Variants in FBXO46 observed in about 807,000 individuals in gnomAD.
The protein encoded by FBXO46 is F-box only protein 46.
In FBXO46, 13 loss-of-function variants were observed where a neutral mutation model predicts 30.7. The ratio of observed to expected loss-of-function variants is 0.42; its 90% CI spans 0.28 to 0.67. The LOEUF (loss-of-function observed/expected upper bound fraction) is 0.67. Ranked by LOEUF, FBXO46 falls within the 30% of genes least tolerant of loss-of-function variation. FBXO46 has a pLI of 0.21. For missense variants in FBXO46, 754 were observed against 871.5 expected (o/e 0.87, Z 1.70); for synonymous variants, 467 against 385.8 (o/e 1.21, Z -2.47).
upstream of FBXO46, among the ~76,000 whole-genome samples, chr19:45,732,730 A>T (rs890444538): frequency 6.6e-6 from 1 of 151,294 alleles, no homozygotes; most frequent in Non-Finnish European, 1.5e-5. Flanking sequence ...AGTTGGGACT[A>T]CAGGCGCGCC....
At chr19:45,726,922 C>T (rs1029220644) in intron 1 of FBXO46, among the ~76,000 whole-genome samples, 10 of 152,174 alleles carry the variant, frequency 6.6e-5, no homozygotes, top group Admixed American at 3.9e-4. Flanking sequence ...CAACTCCTTA[C>T]GAGAAGCTCA....
rs956991563 is a variant in FBXO46 at position 45,711,106 on chromosome 19, C to T, written c.*578G>A. 25 of 359,494 alleles carry T rather than the reference C, an allele frequency of 7.0e-5. No individual in the cohort carries two copies. Among genetic ancestry groups the T allele is most frequent in the Non-Finnish European group, 1.2e-4 (23 of 184,106 alleles). 22.3% of individuals were successfully genotyped at this position (359,494 alleles called of 1,614,324 possible). A position where few individuals can be genotyped will look rare whatever the true frequency, so the allele number is the denominator to read the frequency against. The stretch of plus-strand genomic sequence containing the variant: ...AGGTTAAGGAGAAAACAGTATTTCC[C>T]CCCCACTTCTTTAATAGGCAAACCA... On this transcript the variant is annotated 3_prime_UTR_variant, in exon 2 of 2. Coordinates refer to ENST00000317683, the MANE Select transcript of FBXO46 (RefSeq NM_001080469.2).
Position 45,711,427 on chromosome 19 carries a change from A to G in FBXO46, c.*257T>C. On this transcript the variant is annotated 3_prime_UTR_variant, in exon 2 of 2. Coordinates refer to ENST00000317683, the MANE Select transcript of FBXO46 (RefSeq NM_001080469.2). ...AGGGGGTTGGGGCTGAATGGAGAAGAAAGTGAGATGCTGATAAAAAAAAAA... is the reference window on the plus strand; with the variant it reads ...AGGGGGTTGGGGCTGAATGGAGAAGGAAGTGAGATGCTGATAAAAAAAAAA... 1.5e-6 allele frequency: 1 copy of G among 651,598 alleles called. No individual in the cohort carries two copies. Among genetic ancestry groups the G allele is most frequent in the Non-Finnish European group, 2.8e-6 (1 of 355,802 alleles). 40.4% of individuals were successfully genotyped at this position (651,598 alleles called of 1,614,324 possible).
intron 1 of FBXO46, among the ~76,000 whole-genome samples, chr19:45,722,112 C>A (rs1968180709): frequency 6.6e-6 from 1 of 152,170 alleles, no homozygotes; most frequent in Non-Finnish European, 1.5e-5. Context: ...TGCACCGCGC[C>A]CGGTCCCTGT....
upstream of FBXO46, among the ~76,000 whole-genome samples, chr19:45,731,313 CCTT>C (rs1179226844): frequency 7.1e-6 from 1 of 140,552 alleles, no homozygotes; most frequent in African/African-American, 2.6e-5. Context: ...CCATCCATCC[CCTT>C]CTTTTTTTTT....
At chr19:45,733,101 C>G (rs1036734686), upstream of FBXO46, 1 of 152,296 alleles carries the variant, frequency 6.6e-6, no homozygotes, top group Non-Finnish European at 1.5e-5. This position sits in a 1 kb window ranked among gnomAD's most constrained non-coding sequence, Gnocchi z 5.7. Context: ...AGAAGGGACA[C>G]AGGCGAGCTC....
intron 1 of FBXO46, among the ~76,000 whole-genome samples, chr19:45,720,817 C>T (rs1479540741): frequency 6.6e-6 from 1 of 151,966 alleles, no homozygotes; most frequent in Non-Finnish European, 1.5e-5. Flanking sequence ...ACAATATAAA[C>T]ATCATCCTGG....
At chr19:45,722,113 C>G (rs934792040) in intron 1 of FBXO46, among the ~76,000 whole-genome samples, 1 of 152,174 alleles carries the variant, frequency 6.6e-6, no homozygotes, top group African/African-American at 2.4e-5. Context: ...GCACCGCGCC[C>G]GGTCCCTGTT....
At chr19:45,722,924 G>GGCGCCTATAATCCCT (rs1255680255) in intron 1 of FBXO46, among the ~76,000 whole-genome samples, 1 of 152,116 alleles carries the variant, frequency 6.6e-6, no homozygotes, top group Non-Finnish European at 1.5e-5. Context: ...CATAGTGACA[G>GGCGCCTATAATCCCT]GCGCCTATAA....
At position 45,712,029 on chromosome 19, in the gene FBXO46, G is replaced by A. The variant is rs1329502543; in HGVS notation, c.1467C>T (p.Pro489=). Residue 489 remains proline (P), a synonymous_variant, in exon 2 of 2, where the codon CCC becomes CCT. Transcript: ENST00000317683. This position sits in a 1 kb window ranked among gnomAD's most constrained non-coding sequence, Gnocchi z 8.8. The part of the protein sequence containing the change: ...HVLVKIFSFL[P]TRALAALKCT... ...ACTTGAGGGCGGCCAGCGCGCGCGT[G>A]GGCAGGAAGCTGAAGATCTTGACCA... The A allele has an allele frequency of 3.1e-6, 5 of 1,612,410 alleles. No individual in the cohort carries two copies. The highest frequency in any genetic ancestry group is 2.2e-5 in the East Asian group (1 of 44,840).
chr19:45,710,917 C>T lies in FBXO46; in HGVS notation c.*767G>A, dbSNP rs1486813602. ...TCCGAAGTCCCTGCCCACGGGGCCC[C>T]CCCACGCTGTCAAAAGCGAGGCAAA... On this transcript the variant is annotated 3_prime_UTR_variant, in exon 2 of 2. Coordinates refer to ENST00000317683, the MANE Select transcript of FBXO46 (RefSeq NM_001080469.2). 1 of 176,138 alleles carries T rather than the reference C, an allele frequency of 5.7e-6. No individual in the cohort carries two copies. The highest frequency in any genetic ancestry group is 1.2e-5 in the Non-Finnish European group (1 of 83,836). 10.9% of individuals were successfully genotyped at this position (176,138 alleles called of 1,614,324 possible). A position where few individuals can be genotyped will look rare whatever the true frequency, so the allele number is the denominator to read the frequency against.
At position 45,711,658 on chromosome 19, in the gene FBXO46, G is replaced by T. The variant is rs1252146084; in HGVS notation, c.*26C>A. ...GGGAGAGGGGAGGGGTGGGCGTGGTGGGCTCTCCCCTCCCCTCCCCCGGCT... is the reference window on the plus strand; with the variant it reads ...GGGAGAGGGGAGGGGTGGGCGTGGTTGGCTCTCCCCTCCCCTCCCCCGGCT... On this transcript the variant is annotated 3_prime_UTR_variant, in exon 2 of 2. Coordinates refer to ENST00000317683, the MANE Select transcript of FBXO46 (RefSeq NM_001080469.2). 6.7e-7 allele frequency: 1 copy of T among 1,500,034 alleles called. No homozygotes were observed. The highest frequency in any genetic ancestry group is 1.2e-5 in the South Asian group (1 of 83,214). 92.9% of individuals were successfully genotyped at this position (1,500,034 alleles called of 1,614,324 possible).
chr19:45,731,608 C>A (rs1272410991), upstream of FBXO46, among the ~76,000 whole-genome samples: 1 of 151,462 alleles, frequency 6.6e-6, no homozygotes, highest in Admixed American at 6.6e-5. Flanking sequence ...AGCCACCGCG[C>A]CCGGCCCGTC....
At chr19:45,717,837 A>G (rs1968119914) in intron 1 of FBXO46, among the ~76,000 whole-genome samples, 1 of 152,000 alleles carries the variant, frequency 6.6e-6, no homozygotes, top group Non-Finnish European at 1.5e-5. Context: ...GGATAACCCC[A>G]CCCTGAAAAA....
chr19:45,732,588 CTTTTTTT>C (rs750349502), upstream of FBXO46, among the ~76,000 whole-genome samples: 34 of 86,948 alleles, frequency 3.9e-4, no homozygotes, highest in Admixed American at 5.8e-4. Context: ...CTTTTTTTTC[CTTTTTTT>C]TTTTTTTTTT....
In FBXO46 at chr19:45,711,879, C is replaced by T. The variant is rs764441292; in HGVS notation, c.1617G>A (p.Lys539=). The T allele has an allele frequency of 6.2e-7, 1 of 1,613,748 alleles. No homozygotes were observed. Among genetic ancestry groups the T allele is most frequent in the Non-Finnish European group, 8.5e-7 (1 of 1,179,806 alleles). The change falls in exon 2 of 2, where the codon AAG becomes AAA. Residue 539 remains lysine, a synonymous_variant. Coordinates refer to ENST00000317683, the MANE Select transcript of FBXO46 (RefSeq NM_001080469.2). ...GCCAGCGGCAGAGCGACACGTCGCC[C>T]TTCTCGTATCTCTTGCGGCACTGTT... ...PCKQCRKRYE[K]GDVSLCRWHP... is the part of the protein sequence containing the mutation.
rs879387383 is a variant in FBXO46, at chr19:45,723,904, GA to G, written c.-79+6944del. ...TGAACTCCTGATCTCAGGAGTTCAA[GA>G]AAAAAAAAAGAAAACTTGTGCTTTT... is the stretch of plus-strand genomic sequence containing the variant. On this transcript the variant is annotated intron_variant, in intron 1 of 1. Transcript: ENST00000317683. Among the ~76,000 whole-genome samples, 20 of 145,710 alleles carry G rather than the reference GA, an allele frequency of 1.4e-4. 1 individual carries two copies. The East Asian group carries it at 3.4e-3, about 25-fold the overall frequency.
At chr19:45,724,870 C>T (rs1968217686) in intron 1 of FBXO46, among the ~76,000 whole-genome samples, 1 of 152,140 alleles carries the variant, frequency 6.6e-6, no homozygotes, top group Non-Finnish European at 1.5e-5. Flanking sequence ...CCAGGCTGGT[C>T]ACAAGCTCCT....
At chr19:45,727,056 A>C (rs189606890) in intron 1 of FBXO46, among the ~76,000 whole-genome samples, 16 of 151,722 alleles carry the variant, frequency 1.1e-4, no homozygotes, top group African/African-American at 3.6e-4. Flanking sequence ...TCAGGAGTTC[A>C]AGATCAGCCT....
Sources: gnomAD v4.1 joint callset for allele counts (sites outside exome capture counted in the v4.1 genomes callset) on GRCh38, gnomAD v4.1.1 for gene constraint, Gnocchi (gnomAD v3.1) non-coding constraint, MANE v1.5 for transcripts, NCBI Gene and HGNC (gene_info 2026-07-23, HGNC 2026-07-21) for gene names.